SNAPC1: variants seen among roughly 807,000 people sequenced by gnomAD.
SNAPC1 encodes the protein snRNA-activating protein complex subunit 1.
In SNAPC1, 42 loss-of-function variants were observed where a neutral mutation model predicts 50.1. The ratio of observed to expected loss-of-function variants is 0.84; its 90% CI spans 0.65 to 1.08. The LOEUF (loss-of-function observed/expected upper bound fraction) is 1.08, where lower values mean the gene tolerates loss of function less well. Among genes scored for constraint, SNAPC1 ranks in the 50% least tolerant of loss-of-function variants. The pLI, the probability that SNAPC1 is intolerant of heterozygous loss-of-function variation, is 0.00. For synonymous variants in SNAPC1, 164 were observed against 144.2 expected (o/e 1.14, Z -0.98); for missense variants, 477 against 427.3 (o/e 1.12, Z -1.02).
chr14:61,779,709 T>TTG (rs2045058321), intron 7 of SNAPC1, among the ~76,000 whole-genome samples: 1 of 1,816 alleles, frequency 5.5e-4, no homozygotes, highest in South Asian at 0.019. Flanking sequence ...ACTTTGTTGG[T>TTG]TTTTTTTTTT....
At chr14:61,782,485 G>A in intron 8 of SNAPC1, 88 bp downstream of exon 8, 2 of 915,988 alleles carry the variant, frequency 2.2e-6, no homozygotes, top group Non-Finnish European at 3.2e-6. Flanking sequence ...TTGTTAAGAA[G>A]GATTAGATAC....
chr14:61,777,609 TAA>T (rs748228817), intron 5 of SNAPC1, among the ~76,000 whole-genome samples: 3 of 136,492 alleles, frequency 2.2e-5, no homozygotes, highest in South Asian at 5.2e-4. Context: ...AGTTTAGTTT[TAA>T]TTTTTTTTTT....
rs118117204 is a variant in SNAPC1, at chr14:61,791,903, A to G, written c.977-904A>G. On this transcript the variant is annotated intron_variant, in intron 8 of 9. Transcript: ENST00000216294. ...TTATATTAAATGGCTTCATGCCACA[A>G]TGCTTTGTTCTTATGTCTTTTTAAA... is the stretch of plus-strand genomic sequence containing the variant. Among the ~76,000 whole-genome samples, 662 of 152,168 alleles carry G rather than the reference A, an allele frequency of 4.4e-3. 4 individuals are homozygous for G. Among genetic ancestry groups the G allele is most frequent in the Middle Eastern group, 0.017 (5 of 294 alleles).
chr14:61,792,121 A>AAT (rs2045156399), intron 8 of SNAPC1, among the ~76,000 whole-genome samples: 1 of 151,614 alleles, frequency 6.6e-6, no homozygotes, highest in Non-Finnish European at 1.5e-5. Flanking sequence ...AAAAAAAAAA[A>AAT]GCAAGATATA....
chr14:61,774,649 T>TTTCC (rs1566589388), intron 4 of SNAPC1, among the ~76,000 whole-genome samples: 1 of 61,642 alleles, frequency 1.6e-5, no homozygotes, highest in Non-Finnish European at 3.0e-5. Flanking sequence ...CAGTTTCTCA[T>TTTCC]TTTTTTTTTT....
intron 4 of SNAPC1, among the ~76,000 whole-genome samples, chr14:61,775,501 A>AG (rs1438884900): frequency 6.6e-5 from 10 of 152,002 alleles, no homozygotes; most frequent in African/African-American, 1.9e-4. Flanking sequence ...TGATTCTCCC[A>AG]CCTTGGCCTC....
chr14:61,780,853 C>G (rs775373127), intron 7 of SNAPC1, among the ~76,000 whole-genome samples: 2 of 151,726 alleles, frequency 1.3e-5, no homozygotes, highest in African/African-American at 2.4e-5. Context: ...GTTTCTGCAT[C>G]CATGGATTGA....
chr14:61,763,548 A>G (rs1299953567), intron 1 of SNAPC1, among the ~76,000 whole-genome samples: 1 of 129,150 alleles, frequency 7.7e-6, no homozygotes, highest in African/African-American at 2.9e-5. Flanking sequence ...TGGAGTTTCC[A>G]CCGCAACTCT....
intron 5 of SNAPC1, among the ~76,000 whole-genome samples, chr14:61,777,170 T>C (rs563421018): frequency 1.3e-4 from 20 of 152,310 alleles, no homozygotes; most frequent in African/African-American, 4.1e-4. Context: ...TTCTGTTATA[T>C]AAAGGAAGCT....
At chr14:61,766,818 T>C in intron 1 of SNAPC1, 58 bp from the exon 2 acceptor site, 2 of 1,100,672 alleles carry the variant, frequency 1.8e-6, no homozygotes, top group Non-Finnish European at 2.7e-6. Flanking sequence ...TACTTTTGGC[T>C]TTTGTTCATT....
rs2044954972 is a variant in SNAPC1, at chr14:61,767,230, G to A, written c.307G>A (p.Asp103Asn). 6.7e-7 allele frequency: 1 copy of A among 1,500,708 alleles called. No individual in the cohort carries two copies. The highest frequency in any genetic ancestry group is 8.9e-7 in the Non-Finnish European group (1 of 1,123,866). 93.0% of individuals were successfully genotyped at this position (1,500,708 alleles called of 1,614,324 possible). ...GTTGCAGATCAGAGTTGCCCTGAAGGATTGGGATGAAGTTTTAAAATTTCA... is the reference window on the plus strand; with the variant it reads ...GTTGCAGATCAGAGTTGCCCTGAAGAATTGGGATGAAGTTTTAAAATTTCA... Reference protein sequence around the residue: ...PKQKIRVALKDWDEVLKFQQD... With the variant: ...PKQKIRVALKNWDEVLKFQQD... The change falls in exon 3 of 10, where the codon GAT (aspartate) becomes AAT (asparagine). Residue 103 changes from aspartate (D) to asparagine (N), a missense_variant. Coordinates refer to ENST00000216294, the MANE Select transcript of SNAPC1 (RefSeq NM_003082.4).
intron 4 of SNAPC1, among the ~76,000 whole-genome samples, chr14:61,773,695 C>CTT (rs58541226): frequency 1.5e-5 from 2 of 136,446 alleles, no homozygotes; most frequent in Non-Finnish European, 3.2e-5. Context: ...CATGCCTGGC[C>CTT]TTTTTTTTTT....
In SNAPC1 at chr14:61,794,970, G is replaced by A; in HGVS notation, c.1094G>A (p.Arg365Lys). Residue 365 changes from arginine (R) to lysine (K), a missense_variant, in exon 10 of 10, where the codon AGG (arginine) becomes AAG (lysine). Coordinates refer to ENST00000216294, the MANE Select transcript of SNAPC1 (RefSeq NM_003082.4). Reference sequence around the variant, plus strand: ...TTAGAGTTCACTGCATCCAAGAAGAGGAGAAAACACTGAACAAAGAGCCTG... The same window carrying A: ...TTAGAGTTCACTGCATCCAAGAAGAAGAGAAAACACTGAACAAAGAGCCTG... ...SGTEFTASKK[R>K]RKH 6 of 1,580,618 alleles carry A rather than the reference G, an allele frequency of 3.8e-6. No homozygotes were observed. Among genetic ancestry groups the A allele is most frequent in the Non-Finnish European group, 5.1e-6 (6 of 1,166,184 alleles).
intron 3 of SNAPC1, among the ~76,000 whole-genome samples, chr14:61,768,170 G>A (rs2044962747): frequency 6.6e-6 from 1 of 152,198 alleles, no homozygotes; most frequent in African/African-American, 2.4e-5. Context: ...TAAATGCAGT[G>A]TATCTGGGTG....
intron 1 of SNAPC1, 122 bp downstream of exon 1, chr14:61,762,710 C>T (rs2044915258): frequency 8.8e-7 from 1 of 1,137,774 alleles, no homozygotes; most frequent in Non-Finnish European, 1.3e-6. Context: ...CGAAGGTTGC[C>T]TCCATGACTC....
intron 4 of SNAPC1, among the ~76,000 whole-genome samples, chr14:61,770,367 T>C (rs28651281): frequency 0.35 from 53,385 of 151,572 alleles, 9,958 homozygotes; most frequent in African/African-American, 0.46. Flanking sequence ...CTCAACCCAC[T>C]GAGTAGCTGG....
At chr14:61,791,129 A>G (rs2045149531) in intron 8 of SNAPC1, among the ~76,000 whole-genome samples, 1 of 152,032 alleles carries the variant, frequency 6.6e-6, no homozygotes, top group Non-Finnish European at 1.5e-5. Context: ...CTCCTGCCTC[A>G]GTCTCCCGGG....
chr14:61,781,849 C>CA lies in SNAPC1; in HGVS notation c.826-397dup, dbSNP rs1447106380. On this transcript the variant is annotated intron_variant, in intron 7 of 9. Coordinates refer to ENST00000216294, the MANE Select transcript of SNAPC1 (RefSeq NM_003082.4). Reference sequence around the variant, plus strand: ...ACCCTGGCCATGGGGATGTTAAACTCATTGTGGCCAGATCTGGGCCACATG... The same window carrying CA: ...ACCCTGGCCATGGGGATGTTAAACTCAATTGTGGCCAGATCTGGGCCACATG... Among the ~76,000 whole-genome samples the CA allele has an allele frequency of 2.6e-5, 4 of 152,368 alleles. No homozygotes were observed. In the East Asian group the frequency reaches 7.7e-4, roughly 29 times the overall value.
At chr14:61,763,213 G>T (rs567436076) in intron 1 of SNAPC1, among the ~76,000 whole-genome samples, 30 of 138,330 alleles carry the variant, frequency 2.2e-4, no homozygotes, top group Admixed American at 1.1e-3. Context: ...GACTGGCCTC[G>T]AACTCCTGAT....
Sources: gnomAD v4.1 joint callset for allele counts (sites outside exome capture counted in the v4.1 genomes callset) on GRCh38, gnomAD v4.1.1 for gene constraint, MANE v1.5 for transcripts, NCBI Gene and HGNC (gene_info 2026-07-23, HGNC 2026-07-21) for gene names.